Variants in ITPR2 observed in about 807,000 individuals in gnomAD.
ITPR2 encodes the protein inositol 1,4,5-trisphosphate-gated calcium channel ITPR2.
A neutral mutation model predicts 317.1 loss-of-function variants in ITPR2; 207 were observed. That is an observed-to-expected ratio of 0.65 (90% confidence interval 0.58 to 0.73). ITPR2 has a LOEUF of 0.73. Among genes scored for constraint, ITPR2 ranks in the 30% least tolerant of loss-of-function variants. The pLI is 0.00. For synonymous variants in ITPR2, 1,156 were observed against 1,149.1 expected (o/e 1.01, Z -0.12); for missense variants, 2,613 against 3,284.0 (o/e 0.80, Z 4.99).
Position 26,487,188 on chromosome 12 carries a change from C to T in ITPR2, c.5434G>A (p.Asp1812Asn). 6.2e-7 allele frequency: 1 copy of T among 1,612,702 alleles called. No homozygotes were observed. Among genetic ancestry groups the T allele is most frequent in the Non-Finnish European group, 8.5e-7 (1 of 1,179,508 alleles). Residue 1812 changes from aspartate to asparagine, a missense_variant, in exon 40 of 57, where the codon GAT (aspartate) becomes AAT (asparagine). Around this residue, in one of 9 missense-constraint regions of ITPR2, gnomAD observed 926 missense variants for 1,072.8 expected, o/e 0.86. Transcript: ENST00000381340. ...KSEKFFKVLYDRMKAAQKEIR... is the reference protein window; with the variant it reads ...KSEKFFKVLYNRMKAAQKEIR... Reference sequence around the variant, plus strand: ...TCTTTCTGAGCAGCCTTCATTCGATCATAGAGAACTTTAAAGAATTTTTCT... The same window carrying T: ...TCTTTCTGAGCAGCCTTCATTCGATTATAGAGAACTTTAAAGAATTTTTCT...
rs190860689 is a variant in ITPR2, at chr12:26,550,979, C to T, written c.4965-624G>A. Among the ~76,000 whole-genome samples, 7 of 152,314 alleles carry T rather than the reference C, an allele frequency of 4.6e-5. No homozygotes were observed. In the East Asian group the frequency reaches 1.3e-3, roughly 29 times the overall value. Reference sequence around the variant, plus strand: ...GGCAAAAACTCCAATCAATTTTCATCAAGTGGTACACTGTGCACTGGTGCT... The same window carrying T: ...GGCAAAAACTCCAATCAATTTTCATTAAGTGGTACACTGTGCACTGGTGCT... On this transcript the variant is annotated intron_variant, in intron 36 of 56. Transcript: ENST00000381340.
At chr12:26,494,771 GA>G (rs71069245) in intron 38 of ITPR2, among the ~76,000 whole-genome samples, 2,152 of 50,054 alleles carry the variant, frequency 0.043, 12 homozygotes, top group African/African-American at 0.16. Context: ...CTCTGCCTCA[GA>G]AAAAAAAAAA....
At chr12:26,679,494 G>A (rs1041248923) in intron 13 of ITPR2, among the ~76,000 whole-genome samples, 3 of 152,006 alleles carry the variant, frequency 2.0e-5, no homozygotes, top group Admixed American at 1.3e-4. Flanking sequence ...CCTTCAGGGA[G>A]CATAATTCCT....
intron 55 of ITPR2, among the ~76,000 whole-genome samples, chr12:26,349,738 C>T (rs1474230946): frequency 6.6e-6 from 1 of 152,350 alleles, no homozygotes; most frequent in Admixed American, 6.5e-5. Context: ...CTGCCTGGCC[C>T]CTTTTTCATG....
chr12:26,669,813 A>C (rs909528835), intron 13 of ITPR2, among the ~76,000 whole-genome samples: 2 of 152,254 alleles, frequency 1.3e-5, no homozygotes, highest in Non-Finnish European at 2.9e-5. Context: ...GAGGTGAAAG[A>C]TAGCACCTGG....
At chr12:26,360,698 T>G (rs978946458) in intron 55 of ITPR2, among the ~76,000 whole-genome samples, 1 of 152,226 alleles carries the variant, frequency 6.6e-6, no homozygotes, top group African/African-American at 2.4e-5. Context: ...TCCAAGGTCT[T>G]GTTGAACTCA....
At chr12:26,418,436 T>C (rs1300219126) in intron 50 of ITPR2, among the ~76,000 whole-genome samples, 1 of 152,112 alleles carries the variant, frequency 6.6e-6, no homozygotes, top group African/African-American at 2.4e-5. Context: ...CCAGTACATA[T>C]ATAGGAAGGT....
chr12:26,632,141 ACTGAAAAGCAGC>A, intron 21 of ITPR2, 82 bp from the exon 22 acceptor site: 5 of 1,077,022 alleles, frequency 4.6e-6, no homozygotes, highest in Non-Finnish European at 6.4e-6. Context: ...TCACAACCAC[ACTGAAAAGCAGC>A]CAGGAAAAGG....
At chr12:26,776,524 A>G (rs12317138) in intron 2 of ITPR2, among the ~76,000 whole-genome samples, 59,645 of 152,048 alleles carry the variant, frequency 0.39, 13,404 homozygotes, top group Non-Finnish European at 0.53. Context: ...GCCTTGCCAG[A>G]TGTCTACTGC....
At chr12:26,814,650 G>C (rs545084063) in intron 1 of ITPR2, among the ~76,000 whole-genome samples, 1 of 152,190 alleles carries the variant, frequency 6.6e-6, no homozygotes, top group Non-Finnish European at 1.5e-5. Context: ...TTATAAAGTG[G>C]TTTATTCTTC....
chr12:26,419,717 T>C (rs940728728), intron 49 of ITPR2: 1 of 152,174 alleles, frequency 6.6e-6, no homozygotes, highest in Non-Finnish European at 1.5e-5. Context: ...ATATTTTTTA[T>C]AGTAAATATG....
chr12:26,382,199 C>T (rs544895504), intron 55 of ITPR2, among the ~76,000 whole-genome samples: 204 of 152,186 alleles, frequency 1.3e-3, no homozygotes, highest in Non-Finnish European at 2.7e-3. Flanking sequence ...TCCCTTCTTA[C>T]TTTCTGTTCC....
chr12:26,693,428 C>T (rs546577432), intron 10 of ITPR2, among the ~76,000 whole-genome samples: 2 of 152,200 alleles, frequency 1.3e-5, no homozygotes, highest in Admixed American at 6.5e-5. Context: ...TGTAGTCAAC[C>T]CTCGGTATCT....
At chr12:26,590,434 G>C (rs1264337887) in intron 32 of ITPR2, among the ~76,000 whole-genome samples, 1 of 151,990 alleles carries the variant, frequency 6.6e-6, no homozygotes, top group Non-Finnish European at 1.5e-5. Flanking sequence ...ATAGACCAAT[G>C]GAACAGAAAA....
At chr12:26,793,849 A>T (rs544863763) in intron 1 of ITPR2, among the ~76,000 whole-genome samples, 1 of 152,358 alleles carries the variant, frequency 6.6e-6, no homozygotes, top group Admixed American at 6.5e-5. Context: ...TATCAAAAAT[A>T]TCATATCCTG....
chr12:26,703,864 C>T (rs1327164229), intron 9 of ITPR2, among the ~76,000 whole-genome samples: 1 of 152,120 alleles, frequency 6.6e-6, no homozygotes, highest in African/African-American at 2.4e-5. Flanking sequence ...AGATACAGGC[C>T]TTTCATTGCA....
intron 44 of ITPR2, among the ~76,000 whole-genome samples, chr12:26,476,170 C>T (rs1942412467): frequency 6.6e-6 from 1 of 152,204 alleles, no homozygotes; most frequent in South Asian, 2.1e-4. Context: ...CTGCCCTCCT[C>T]AACTCCATTC....
chr12:26,570,862 C>T (rs757291611), intron 34 of ITPR2, among the ~76,000 whole-genome samples: 3 of 152,164 alleles, frequency 2.0e-5, no homozygotes, highest in Non-Finnish European at 4.4e-5. Flanking sequence ...AGCCTTAATG[C>T]CCTGAACGTT....
At chr12:26,705,133 G>A (rs895964) in intron 9 of ITPR2, among the ~76,000 whole-genome samples, 56,037 of 151,724 alleles carry the variant, frequency 0.37, 11,628 homozygotes, top group Non-Finnish European at 0.48. Flanking sequence ...ATCTAATAGG[G>A]CTCTTAATTT....
Sources: allele counts gnomAD v4.1 joint callset (sites outside exome capture counted in the v4.1 genomes callset), GRCh38; gene constraint gnomAD v4.1.1; regional missense constraint gnomAD v4.1.1; transcripts MANE v1.5; gene names NCBI Gene and HGNC (gene_info 2026-07-23, HGNC 2026-07-21).